The following GALNT17 variants were observed in gnomAD, a reference collection of about 807,000 sequenced individuals.
The protein encoded by GALNT17 is polypeptide N-acetylgalactosaminyltransferase 17.
In GALNT17, 29 loss-of-function variants were observed where a neutral mutation model predicts 63.7. The observed-to-expected ratio is 0.46, with a 90% confidence interval of 0.34 to 0.62. GALNT17 has a LOEUF of 0.62. Among genes scored for constraint, GALNT17 ranks in the 20% least tolerant of loss-of-function variants. The pLI is 0.01. For missense variants in GALNT17, 603 were observed against 799.6 expected (o/e 0.75, Z 2.97); for synonymous variants, 305 against 318.3 (o/e 0.96, Z 0.45).
intron 5 of GALNT17, among the ~76,000 whole-genome samples, chr7:71,555,760 C>CA: frequency 6.6e-6 from 1 of 152,326 alleles, no homozygotes; most frequent in Middle Eastern, 3.4e-3. Flanking sequence ...TAAGGTGAGC[C>CA]AGCAGTGAGC....
At chr7:71,528,929 G>C (rs906055285) in intron 5 of GALNT17, among the ~76,000 whole-genome samples, 15 of 152,152 alleles carry the variant, frequency 9.9e-5, no homozygotes, top group Admixed American at 3.9e-4. Context: ...GAGGTCAGGA[G>C]TTGGAGACCA....
At chr7:71,703,864 A>G (rs185596959) in intron 9 of GALNT17, among the ~76,000 whole-genome samples, 1 of 152,208 alleles carries the variant, frequency 6.6e-6, no homozygotes, top group East Asian at 1.9e-4. Context: ...GTTTTTGAGA[A>G]GTAAGGGAGA....
At chr7:71,456,904 G>A (rs1293384993) in intron 5 of GALNT17, among the ~76,000 whole-genome samples, 1 of 152,194 alleles carries the variant, frequency 6.6e-6, no homozygotes, top group Non-Finnish European at 1.5e-5. Context: ...CTATGTGTAA[G>A]ACAGACATTG....
At chr7:71,343,524 G>A (rs972879033) in intron 2 of GALNT17, among the ~76,000 whole-genome samples, 2 of 152,182 alleles carry the variant, frequency 1.3e-5, no homozygotes, top group Admixed American at 6.5e-5. Flanking sequence ...TTTTAATTCC[G>A]TGACTATTTT....
chr7:71,516,677 A>G (rs576734409), intron 5 of GALNT17, among the ~76,000 whole-genome samples: 2 of 152,260 alleles, frequency 1.3e-5, no homozygotes, highest in South Asian at 4.1e-4. Context: ...ACTTGAGATC[A>G]GCCCAAGGGC....
chr7:71,704,820 A>T (rs940902533), intron 9 of GALNT17, among the ~76,000 whole-genome samples: 2 of 152,160 alleles, frequency 1.3e-5, no homozygotes, highest in African/African-American at 4.8e-5. Context: ...CACATGAAAA[A>T]GAGTGAATTT....
At chr7:71,318,179 A>G (rs1238229855) in intron 1 of GALNT17, among the ~76,000 whole-genome samples, 1 of 152,198 alleles carries the variant, frequency 6.6e-6, no homozygotes, top group East Asian at 1.9e-4. Flanking sequence ...TACTGGGATT[A>G]TAGGCATAAG....
At chr7:71,550,024 G>A (rs377312735) in intron 5 of GALNT17, among the ~76,000 whole-genome samples, 1 of 151,562 alleles carries the variant, frequency 6.6e-6, no homozygotes, top group Non-Finnish European at 1.5e-5. Flanking sequence ...AATGTACTAT[G>A]TACAAAATAA....
chr7:71,429,060 G>A (rs1786813150), intron 5 of GALNT17, among the ~76,000 whole-genome samples: 1 of 152,084 alleles, frequency 6.6e-6, no homozygotes, highest in African/African-American at 2.4e-5. Context: ...CAAAGTATTC[G>A]GCTAATCTGT....
chr7:71,237,053 C>T (rs146810064), intron 1 of GALNT17, among the ~76,000 whole-genome samples: 8 of 152,298 alleles, frequency 5.3e-5, no homozygotes, highest in East Asian at 1.9e-4. Flanking sequence ...TGCACAAACA[C>T]GCTGCCACAT....
At chr7:71,294,834 G>A (rs1187419836) in intron 1 of GALNT17, among the ~76,000 whole-genome samples, 2 of 152,100 alleles carry the variant, frequency 1.3e-5, no homozygotes, top group Admixed American at 6.6e-5. Context: ...TGTAAAACTG[G>A]AAAAGAGTTG....
At chr7:71,516,040 C>A (rs764740966) in intron 5 of GALNT17, among the ~76,000 whole-genome samples, 1 of 151,946 alleles carries the variant, frequency 6.6e-6, no homozygotes. Context: ...ATCTTGCAAT[C>A]GGTCAACTGC....
chr7:71,584,288 G>T (rs1789682945), intron 6 of GALNT17, among the ~76,000 whole-genome samples: 1 of 152,098 alleles, frequency 6.6e-6, no homozygotes, highest in African/African-American at 2.4e-5. Flanking sequence ...GGAAAATGAA[G>T]AATTCAGTCA....
intron 1 of GALNT17, among the ~76,000 whole-genome samples, chr7:71,283,668 A>G (rs541865247): frequency 5.3e-5 from 8 of 152,104 alleles, no homozygotes; most frequent in African/African-American, 1.9e-4. Context: ...GTGGGAGGTA[A>G]TTGAATCATG....
chr7:71,585,646 TA>T (rs763936825), intron 6 of GALNT17, among the ~76,000 whole-genome samples: 188 of 152,216 alleles, frequency 1.2e-3, no homozygotes, highest in Middle Eastern at 0.01. Flanking sequence ...TTTAAATAAA[TA>T]TTTTATATGT....
intron 5 of GALNT17, among the ~76,000 whole-genome samples, chr7:71,502,400 G>C (rs1788195217): frequency 6.6e-6 from 1 of 152,206 alleles, no homozygotes; most frequent in Non-Finnish European, 1.5e-5. Flanking sequence ...TGAGGTGGTT[G>C]CTGCCTGACC....
chr7:71,488,625 G>C (rs2116665531), intron 5 of GALNT17, among the ~76,000 whole-genome samples: 1 of 133,802 alleles, frequency 7.5e-6, no homozygotes, highest in East Asian at 2.2e-4. Context: ...TATTGCCCAA[G>C]CTGGAGTGCA....
intron 6 of GALNT17, among the ~76,000 whole-genome samples, chr7:71,633,966 C>G (rs1438164616): frequency 6.6e-6 from 1 of 152,206 alleles, no homozygotes; most frequent in Non-Finnish European, 1.5e-5. Context: ...CCAGCCCATG[C>G]CCACACACAT....
intron 5 of GALNT17, among the ~76,000 whole-genome samples, chr7:71,466,281 G>A (rs1476685564): frequency 6.6e-6 from 1 of 152,192 alleles, no homozygotes; most frequent in Non-Finnish European, 1.5e-5. Context: ...ACTGGAAGTT[G>A]AGGGGTCAGA....
Sources: gnomAD v4.1 joint callset for allele counts (sites outside exome capture counted in the v4.1 genomes callset) on GRCh38, gnomAD v4.1.1 for gene constraint, MANE v1.5 for transcripts, NCBI Gene and HGNC (gene_info 2026-07-23, HGNC 2026-07-21) for gene names.